The following SPTBN2 variants were observed in gnomAD, a reference collection of about 807,000 sequenced individuals.
SPTBN2 encodes the protein spectrin beta, non-erythrocytic 2.
A neutral mutation model predicts 284.2 loss-of-function variants in SPTBN2; 107 were observed. The ratio of observed to expected loss-of-function variants is 0.38; its 90% CI spans 0.32 to 0.44. The LOEUF (loss-of-function observed/expected upper bound fraction) is 0.44, where lower values mean the gene tolerates loss of function less well. Ranked by LOEUF, SPTBN2 falls within the 20% of genes least tolerant of loss-of-function variation. The probability of loss-of-function intolerance (pLI) is 1.00; values close to 1 mark genes in which losing one functional copy is unlikely to be tolerated. For missense variants in SPTBN2, 2,569 were observed against 3,287.1 expected, an observed-to-expected ratio of 0.78 and a Z score of 5.34; for synonymous variants, 1,289 against 1,354.8, an observed-to-expected ratio of 0.95 and a Z score of 1.07.
intron 3 of SPTBN2, among the ~76,000 whole-genome samples, chr11:66,717,981 A>C (rs1942222257): frequency 1.3e-5 from 2 of 152,082 alleles, no homozygotes; most frequent in African/African-American, 4.8e-5. Context: ...CCGTGTACAC[A>C]TTCAGACACA....
At chr11:66,696,626 T>A (rs138314922) in intron 20 of SPTBN2, 86 bp from the exon 21 acceptor site, 1 of 1,558,596 alleles carries the variant, frequency 6.4e-7, no homozygotes, top group East Asian at 2.2e-5. Context: ...TTACGGGCAG[T>A]AGAGACCTGA....
rs749716075 is a variant in SPTBN2 at position 66,690,202 on chromosome 11, G to C, written c.5647C>G (p.Gln1883Glu). The C allele has an allele frequency of 2.5e-6, 4 of 1,613,852 alleles. No individual in the cohort carries two copies. The highest frequency in any genetic ancestry group is 1.7e-4 in the Middle Eastern group (1 of 6,060). The change falls in exon 28 of 38, where the codon CAG (glutamine) becomes GAG (glutamate). Residue 1883 changes from glutamine (Q) to glutamate (E), a missense_variant. This residue lies in a region of SPTBN2 where 1,130 missense variants were observed against 1,317.3 expected (regional missense o/e 0.86). Coordinates refer to ENST00000533211, the MANE Select transcript of SPTBN2 (RefSeq NM_006946.4). ...TGGGCCCAGGCCTCGGCCACGGCCT[G>C]CATGTGGCGGCCGATCTCCTCAGCC... Reference protein sequence around the residue: ...DKAEEIGRHMQAVAEAWAQLQ... With the variant: ...DKAEEIGRHMEAVAEAWAQLQ...
rs1177251322 is a variant in SPTBN2, at chr11:66,704,769, T to A, written c.2507A>T (p.Glu836Val). 6.2e-7 allele frequency: 1 copy of A among 1,603,888 alleles called. No homozygotes were observed. Among genetic ancestry groups the A allele is most frequent in the South Asian group, 1.1e-5 (1 of 90,608 alleles). ...TCGCTCGCCTGCCCGGGCCTGCAGCTCCTCGTAGTGCCGCTCCAGGGTGGG... is the reference window on the plus strand; with the variant it reads ...TCGCTCGCCTGCCCGGGCCTGCAGCACCTCGTAGTGCCGCTCCAGGGTGGG... Reference protein sequence around the residue: ...RVPTLERHYEELQARAGERAR... With the variant: ...RVPTLERHYEVLQARAGERAR... The change falls in exon 15 of 38, where the codon GAG becomes GTG. Residue 836 changes from glutamate (E) to valine (V), a missense_variant. Glu to Val is a moderately radical substitution (Grantham distance 121). This residue lies in a region of SPTBN2 where 1,012 missense variants were observed against 1,248.9 expected (regional missense o/e 0.81). Transcript: ENST00000533211.
Position 66,688,797 on chromosome 11 carries a change from G to C in SPTBN2, c.6087C>G (p.Leu2029=), listed in dbSNP as rs746077414. The part of the protein sequence containing the change: ...GRDAGMAEAW[L]CSQEPLVRSA... The stretch of plus-strand genomic sequence containing the variant: ...TGCGCACCAGTGGCTCCTGGCTGCA[G>C]AGCCAGGCCTCTGCCATCCCTGCAT... Residue 2029 remains leucine (L), a synonymous_variant, in exon 31 of 38, where the codon CTC becomes CTG. Transcript: ENST00000533211. The C allele has an allele frequency of 1.1e-5, 17 of 1,612,892 alleles. No homozygotes were observed. The highest frequency in any genetic ancestry group is 1.4e-5 in the Non-Finnish European group (17 of 1,180,018).
chr11:66,698,340 T>C (rs1054534384), intron 20 of SPTBN2, among the ~76,000 whole-genome samples: 1 of 152,232 alleles, frequency 6.6e-6, no homozygotes, highest in African/African-American at 2.4e-5. Context: ...CAGACAAGGT[T>C]TGCAGAGCCT....
At chr11:66,743,962 G>C (rs898269102) in intron 1 of SPTBN2, among the ~76,000 whole-genome samples, 3 of 151,976 alleles carry the variant, frequency 2.0e-5, no homozygotes, top group Non-Finnish European at 4.4e-5. Context: ...CCAGGTTCAA[G>C]CAATTATCCT....
Position 66,686,168 on chromosome 11 carries a change from G to A in SPTBN2, c.6940-64C>T, listed in dbSNP as rs989259119. 1.1e-5 allele frequency: 16 copies of A among 1,514,612 alleles called. No homozygotes were observed. The Admixed American group carries it at 1.6e-4, about 15-fold the overall frequency. 93.8% of individuals were successfully genotyped at this position (1,514,612 alleles called of 1,614,324 possible). Reference sequence around the variant, plus strand: ...TGTGCTGAGTTGGCCGCAGTGGACAGCAGGGAAGTGTAAGAGGAGGAGGCA... The same window carrying A: ...TGTGCTGAGTTGGCCGCAGTGGACAACAGGGAAGTGTAAGAGGAGGAGGCA... On this transcript the variant is annotated intron_variant, in intron 37 of 37. Transcript: ENST00000533211.
rs1417424401 is a variant in SPTBN2, at chr11:66,729,081, GGGT to G, written c.-457_-455del. On this transcript the variant is annotated 5_prime_UTR_variant, in exon 1 of 38. Transcript: ENST00000533211. Reference sequence around the variant, plus strand: ...TCCGGCCTAGTCACCGTCTTGAGGGGGGTGGGGGTGGGGGCAGACATTTCTAGG... The same window carrying G: ...TCCGGCCTAGTCACCGTCTTGAGGGGGGGGGTGGGGGCAGACATTTCTAGG... The G allele has an allele frequency of 3.9e-5, 6 of 152,700 alleles. No individual in the cohort carries two copies. The highest frequency in any genetic ancestry group is 7.3e-5 in the Non-Finnish European group (5 of 68,394). 9.5% of individuals were successfully genotyped at this position (152,700 alleles called of 1,614,324 possible).
At chr11:66,690,789 A>C (rs1422010798) in intron 27 of SPTBN2, among the ~76,000 whole-genome samples, 1 of 152,148 alleles carries the variant, frequency 6.6e-6, no homozygotes, top group Non-Finnish European at 1.5e-5. Context: ...AAAAGTGTGA[A>C]TGCAGTGGCT....
upstream of SPTBN2, among the ~76,000 whole-genome samples, chr11:66,729,508 A>G (rs893088762): frequency 3.9e-5 from 6 of 152,156 alleles, no homozygotes; most frequent in Admixed American, 1.3e-4. Context: ...AAGGTTTTAT[A>G]ATAGATTTAT....
In SPTBN2 at chr11:66,709,012, C is replaced by T. The variant is rs1420795249; in HGVS notation, c.1081G>A (p.Glu361Lys). 3.1e-6 allele frequency: 5 copies of T among 1,613,828 alleles called. No individual in the cohort carries two copies. Among genetic ancestry groups the T allele is most frequent in the Admixed American group, 1.7e-5 (1 of 59,970 alleles). Residue 361 changes from glutamate to lysine, a missense_variant, in exon 11 of 38, where the codon GAG becomes AAG. Around this residue, in one of 6 missense-constraint regions of SPTBN2, gnomAD observed 304 missense variants for 522.1 expected, o/e 0.58. Transcript: ENST00000533211. The part of the protein sequence containing the change: ...RTVEKPPKFT[E>K]KGNLEVLLFT... ...AGCAGCACTTCCAAGTTCCCTTTCT[C>T]GGTAAACCTGAGGCAGGAGGCCGGG...
At chr11:66,719,680 T>C (rs534171611) in intron 3 of SPTBN2, among the ~76,000 whole-genome samples, 4 of 152,202 alleles carry the variant, frequency 2.6e-5, no homozygotes, top group African/African-American at 9.6e-5. Context: ...CTGGGAGGCA[T>C]GTGTCCTATG....
At chr11:66,729,830 C>G (rs1454653601), upstream of SPTBN2, among the ~76,000 whole-genome samples, 1 of 152,114 alleles carries the variant, frequency 6.6e-6, no homozygotes, top group South Asian at 2.1e-4. Flanking sequence ...GAGACGGAGT[C>G]GTGCTCTGTC....
rs1940561419 is a variant in SPTBN2, at chr11:66,691,689, C to T, written c.5191-31G>A. The T allele has an allele frequency of 1.9e-6, 3 of 1,612,486 alleles. No homozygotes were observed. The African/African-American group carries it at 4.0e-5, about 22-fold the overall frequency. On this transcript the variant is annotated intron_variant, in intron 26 of 37. Coordinates refer to ENST00000533211, the MANE Select transcript of SPTBN2 (RefSeq NM_006946.4). The surrounding 1 kb of genome is among the most constrained non-coding windows in gnomAD (Gnocchi z 8.0). ...AGAGGAAGCAGATGGACAGACCATGCCGTGATGTTAGGGGATGTGGTCCCT... is the reference window on the plus strand; with the variant it reads ...AGAGGAAGCAGATGGACAGACCATGTCGTGATGTTAGGGGATGTGGTCCCT...
chr11:66,685,527 T>G lies in SPTBN2; in HGVS notation c.*344A>C. The G allele has an allele frequency of 2.9e-6, 1 of 343,816 alleles. No individual in the cohort carries two copies. The allele number at this position is 343,816 out of a possible 1,614,324, so 21.3% of individuals were successfully genotyped here. ...CCCTCGCATGGCAGGAGAATGACCC[T>G]GAGGCAGGGGCAGCCACTCCCCACA... On this transcript the variant is annotated 3_prime_UTR_variant, in exon 38 of 38. Coordinates refer to ENST00000533211, the MANE Select transcript of SPTBN2 (RefSeq NM_006946.4). This position sits in a 1 kb window ranked among gnomAD's most constrained non-coding sequence, Gnocchi z 4.4.
intron 1 of SPTBN2, among the ~76,000 whole-genome samples, chr11:66,736,563 TAC>T (rs1467973177): frequency 1.3e-5 from 2 of 152,174 alleles, no homozygotes; most frequent in Admixed American, 1.3e-4. Context: ...CCCCTGTGAA[TAC>T]ACAGACCTTT....
At chr11:66,686,894 C>T (rs986396287) in intron 36 of SPTBN2, 100 bp downstream of exon 36, 153 of 1,534,062 alleles carry the variant, frequency 1.0e-4, no homozygotes, top group Middle Eastern at 8.4e-4. Context: ...TCCACTCAGG[C>T]TCCTTACAGG....
rs758045250 is a variant in SPTBN2, at chr11:66,700,586, G to C, written c.3513C>G (p.Ala1171=). 1.9e-5 allele frequency: 30 copies of C among 1,607,792 alleles called. No homozygotes were observed. Among genetic ancestry groups the C allele is most frequent in the Non-Finnish European group, 2.5e-5 (30 of 1,180,014 alleles). ...WESRQGRLAQ[A]HGFQGFLRDA... The stretch of plus-strand genomic sequence containing the variant: ...CCCGCAGGAATCCCTGGAAGCCGTG[G>C]GCCTGGGCCAGGCGACCTTGCCGGC... Residue 1171 remains alanine (A), a synonymous_variant, in exon 17 of 38, where the codon GCC becomes GCG. Coordinates refer to ENST00000533211, the MANE Select transcript of SPTBN2 (RefSeq NM_006946.4). This position sits in a 1 kb window ranked among gnomAD's most constrained non-coding sequence, Gnocchi z 6.6.
rs1941615280 is a variant in SPTBN2 at position 66,707,377 on chromosome 11, G to C, written c.1653+139C>G. On this transcript the variant is annotated intron_variant, in intron 13 of 37. Coordinates refer to ENST00000533211, the MANE Select transcript of SPTBN2 (RefSeq NM_006946.4). The surrounding 1 kb of genome is among the most constrained non-coding windows in gnomAD (Gnocchi z 4.9). ...ATGTGGACAGGGCCCTGTTTACTTTGTTCCCTGCAACTGGGGACAGGGCCC... is the reference window on the plus strand; with the variant it reads ...ATGTGGACAGGGCCCTGTTTACTTTCTTCCCTGCAACTGGGGACAGGGCCC... 6.6e-6 allele frequency: 6 copies of C among 903,214 alleles called. No individual in the cohort carries two copies. The Admixed American group carries it at 7.5e-5, about 11-fold the overall frequency. 55.9% of individuals were successfully genotyped at this position (903,214 alleles called of 1,614,324 possible).
Sources: allele counts gnomAD v4.1 joint callset (sites outside exome capture counted in the v4.1 genomes callset), GRCh38; gene constraint gnomAD v4.1.1; regional missense constraint gnomAD v4.1.1; non-coding constraint Gnocchi (gnomAD v3.1); transcripts MANE v1.5; gene names NCBI Gene and HGNC (gene_info 2026-07-23, HGNC 2026-07-21).